DDHD1: variants seen among roughly 807,000 people sequenced by gnomAD.
The protein encoded by DDHD1 is phospholipase DDHD1.
A neutral mutation model predicts 96.4 loss-of-function variants in DDHD1; 49 were observed. That is an observed-to-expected ratio of 0.51 (90% CI 0.40 to 0.64). The LOEUF (loss-of-function observed/expected upper bound fraction) is 0.64, where lower values mean the gene tolerates loss of function less well. DDHD1 is among the 30% of genes least tolerant of loss of function. The pLI is 0.00. For missense variants in DDHD1, 1,106 were observed against 1,161.2 expected (o/e 0.95, Z 0.69); for synonymous variants, 442 against 446.5 (o/e 0.99, Z 0.13).
At chr14:53,103,251 A>T in intron 2 of DDHD1, 1 of 458,260 alleles carries the variant, frequency 2.2e-6, no homozygotes, top group Non-Finnish European at 3.8e-6. Flanking sequence ...GGTTTTCAAT[A>T]GGGGATAACT....
At chr14:53,114,230 A>G (rs557772624) in intron 1 of DDHD1, among the ~76,000 whole-genome samples, 16 of 152,242 alleles carry the variant, frequency 1.1e-4, no homozygotes, top group Non-Finnish European at 1.8e-4. Flanking sequence ...AGGGGCTTAC[A>G]GATAAAACTC....
intron 1 of DDHD1, among the ~76,000 whole-genome samples, chr14:53,110,585 T>G (rs1888029641): frequency 6.6e-6 from 1 of 152,210 alleles, no homozygotes; most frequent in Non-Finnish European, 1.5e-5. Context: ...CTGTCAGTAT[T>G]TTTCTTAACT....
chr14:53,145,371 C>T (rs887969480), intron 1 of DDHD1, among the ~76,000 whole-genome samples: 2 of 151,690 alleles, frequency 1.3e-5, no homozygotes, highest in Non-Finnish European at 2.9e-5. Flanking sequence ...GGCATGGTGA[C>T]GTGCACCTAT....
chr14:53,093,487 A>C, intron 2 of DDHD1, 43 bp from the exon 3 acceptor site: 3 of 1,590,260 alleles, frequency 1.9e-6, no homozygotes, highest in Non-Finnish European at 2.6e-6. Flanking sequence ...CTCCAAGACA[A>C]ACTTTATTTG....
chr14:53,068,205 T>G (rs1187378154), intron 6 of DDHD1, among the ~76,000 whole-genome samples: 1 of 150,060 alleles, frequency 6.7e-6, no homozygotes, highest in Non-Finnish European at 1.5e-5. Flanking sequence ...CATCCTTTGA[T>G]CAGGAACATT....
intron 4 of DDHD1, among the ~76,000 whole-genome samples, chr14:53,090,865 G>C (rs1274018273): frequency 6.6e-6 from 1 of 151,104 alleles, no homozygotes; most frequent in Non-Finnish European, 1.5e-5. Context: ...AGAACTTAAA[G>C]TATAATAAAA....
At chr14:53,108,897 A>G (rs960347577) in intron 1 of DDHD1, among the ~76,000 whole-genome samples, 1 of 151,978 alleles carries the variant, frequency 6.6e-6, no homozygotes, top group Non-Finnish European at 1.5e-5. Context: ...TTCCCTTTGC[A>G]TTTGCTTTTT....
intron 1 of DDHD1, among the ~76,000 whole-genome samples, chr14:53,129,805 G>T (rs1327602349): frequency 2.6e-5 from 4 of 151,930 alleles, no homozygotes; most frequent in African/African-American, 9.7e-5. Flanking sequence ...ACACTGCTTG[G>T]CCCCAAAACA....
chr14:53,118,563 T>G (rs578033124), intron 1 of DDHD1, among the ~76,000 whole-genome samples: 34 of 152,184 alleles, frequency 2.2e-4, no homozygotes, highest in African/African-American at 7.2e-4. Context: ...AAAATATCAG[T>G]GACTGAAGAT....
intron 2 of DDHD1, among the ~76,000 whole-genome samples, chr14:53,097,810 T>C (rs1326241172): frequency 6.6e-6 from 1 of 151,912 alleles, no homozygotes; most frequent in East Asian, 1.9e-4. Flanking sequence ...TCTAAAAGAA[T>C]AGTATAATTT....
Position 53,126,407 on chromosome 14 carries a change from G to C in DDHD1, c.839-22551C>G, listed in dbSNP as rs368780056. 1.3e-4 allele frequency among the ~76,000 whole-genome samples: 20 copies of C among 152,288 alleles called. No individual in the cohort carries two copies. The South Asian group carries it at 3.9e-3, about 30-fold the overall frequency. On this transcript the variant is annotated intron_variant, in intron 1 of 12. Coordinates refer to ENST00000673822, the MANE Select transcript of DDHD1 (RefSeq NM_001160148.2). ...GACAGGGTCTCACTCCCATCTCCCAGGCTAGAGTGCAGTGCAGTGGAGCAA... is the reference window on the plus strand; with the variant it reads ...GACAGGGTCTCACTCCCATCTCCCACGCTAGAGTGCAGTGCAGTGGAGCAA...
intron 8 of DDHD1, among the ~76,000 whole-genome samples, chr14:53,059,315 G>A (rs1883330825): frequency 6.6e-6 from 1 of 152,024 alleles, no homozygotes. Context: ...TGCGATCTCA[G>A]CTCACTGCAA....
chr14:53,151,130 G>A lies in DDHD1; in HGVS notation c.838+1131C>T, dbSNP rs944872741. On this transcript the variant is annotated intron_variant, in intron 1 of 12. Transcript: ENST00000673822. ...TAGTTATTGAATATATATTGCACTA[G>A]GCCCTATCAGAGTACAAAGATAAAG... 2.0e-5 allele frequency among the ~76,000 whole-genome samples: 3 copies of A among 152,206 alleles called. No homozygotes were observed. In the South Asian group the frequency reaches 6.2e-4, roughly 32 times the overall value.
chr14:53,082,758 C>CAAAAAAA (rs11368593), intron 4 of DDHD1, among the ~76,000 whole-genome samples: 1 of 98,874 alleles, frequency 1.0e-5, no homozygotes, highest in Non-Finnish European at 2.2e-5. Context: ...GACTCTATCT[C>CAAAAAAA]AAAAAAAAAA....
rs574189354 is a variant in DDHD1, at chr14:53,130,982, C to T, written c.838+21279G>A. Among the ~76,000 whole-genome samples the T allele has an allele frequency of 2.0e-5, 3 of 152,268 alleles. No individual in the cohort carries two copies. In the East Asian group the frequency reaches 5.8e-4, roughly 29 times the overall value. ...TAATCAATACAGAGGCTACCCACTC[C>T]CCATTACCTTCTTTTCAACGGCCTG... On this transcript the variant is annotated intron_variant, in intron 1 of 12. Coordinates refer to ENST00000673822, the MANE Select transcript of DDHD1 (RefSeq NM_001160148.2).
intron 12 of DDHD1, among the ~76,000 whole-genome samples, chr14:53,048,301 T>C (rs529331018): frequency 6.6e-6 from 1 of 152,006 alleles, no homozygotes; most frequent in Admixed American, 6.6e-5. Context: ...ACTTGTAAAA[T>C]ACATTGACAT....
At chr14:53,123,695 A>G (rs1352401959) in intron 1 of DDHD1, among the ~76,000 whole-genome samples, 1 of 152,226 alleles carries the variant, frequency 6.6e-6, no homozygotes, top group African/African-American at 2.4e-5. Context: ...AGCTAAAACA[A>G]GCAAAAAATG....
intron 12 of DDHD1, among the ~76,000 whole-genome samples, chr14:53,049,483 A>AG (rs1225134680): frequency 6.6e-6 from 1 of 152,084 alleles, no homozygotes; most frequent in African/African-American, 2.4e-5. Flanking sequence ...CAAGGGAGTG[A>AG]GGGTCTACAT....
rs755247179 is a variant in DDHD1, at chr14:53,093,298, G to A, written c.1141+18C>T. 3.7e-5 allele frequency: 59 copies of A among 1,599,664 alleles called. No homozygotes were observed. Among genetic ancestry groups the A allele is most frequent in the Non-Finnish European group, 4.8e-5 (57 of 1,176,320 alleles). On this transcript the variant is annotated intron_variant, in intron 3 of 12. Coordinates refer to ENST00000673822, the MANE Select transcript of DDHD1 (RefSeq NM_001160148.2). The stretch of plus-strand genomic sequence containing the variant: ...ATTCCCAAAATTTTGATAAGCTCTA[G>A]TAATATTTAACAATTACCTTTAGAA...
Sources: gnomAD v4.1 joint callset for allele counts (sites outside exome capture counted in the v4.1 genomes callset) on GRCh38, gnomAD v4.1.1 for gene constraint, MANE v1.5 for transcripts, NCBI Gene and HGNC (gene_info 2026-07-23, HGNC 2026-07-21) for gene names.